Variants in HERC2 observed in about 807,000 individuals in gnomAD.
HERC2 encodes the protein E3 ubiquitin-protein ligase HERC2.
Under a neutral mutation model 537.7 loss-of-function variants are expected in HERC2, and 102 were observed. That is an observed-to-expected ratio of 0.19 (90% confidence interval 0.16 to 0.22). HERC2 has a LOEUF of 0.22. HERC2 is among the 10% of genes least tolerant of loss of function. The pLI, the probability that HERC2 is intolerant of heterozygous loss-of-function variation, is 1.00. For synonymous variants in HERC2, 2,224 were observed against 2,466.2 expected (o/e 0.90, Z 2.91); for missense variants, 4,236 against 6,198.2 (o/e 0.68, Z 10.63).
In HERC2 at chr15:28,272,961, G is replaced by T. The variant is rs2075778512; in HGVS notation, c.844C>A (p.Pro282Thr). Residue 282 changes from proline (P) to threonine (T), a missense_variant, in exon 8 of 93, where the codon CCC becomes ACC. Physicochemically the swap from Pro to Thr is conservative, Grantham distance 38. Around this residue, in one of 27 missense-constraint regions of HERC2, gnomAD observed 491 missense variants for 559.3 expected, o/e 0.88. Coordinates refer to ENST00000261609, the MANE Select transcript of HERC2 (RefSeq NM_004667.6). Reference protein sequence around the residue: ...TPATKGPGSIPLQDQHLALAI... With the variant: ...TPATKGPGSITLQDQHLALAI... ...AGGGCCAAGTGCTGGTCCTGCAGGG[G>T]GATGCTTCCTGGCCCTTTGGTGGCT... 1 of 1,612,474 alleles carries T rather than the reference G, an allele frequency of 6.2e-7. No homozygotes were observed. Among genetic ancestry groups the T allele is most frequent in the Non-Finnish European group, 8.5e-7 (1 of 1,180,030 alleles).
At chr15:28,147,160 A>T (rs1245062215) in intron 70 of HERC2, among the ~76,000 whole-genome samples, 6 of 151,464 alleles carry the variant, frequency 4.0e-5, no homozygotes, top group Non-Finnish European at 8.8e-5. Flanking sequence ...AAAATGGTTG[A>T]ATTTGGAATA....
In HERC2 at chr15:28,176,952, T is replaced by C; in HGVS notation, c.9430A>G (p.Met3144Val). 1.2e-6 allele frequency: 2 copies of C among 1,610,696 alleles called. No homozygotes were observed. The highest frequency in any genetic ancestry group is 1.3e-5 in the African/African-American group (1 of 74,942). The change falls in exon 61 of 93, where the codon ATG becomes GTG. Residue 3144 changes from methionine (M) to valine (V), a missense_variant and splice_region_variant. Met to Val is a conservative substitution (Grantham distance 21). This residue lies in a region of HERC2 where 606 missense variants were observed against 884.5 expected (regional missense o/e 0.69). Transcript: ENST00000261609. The surrounding 1 kb of genome is among the most constrained non-coding windows in gnomAD (Gnocchi z 5.0). ...GDNTTQLKPK[M>V]VKVLLGHRVI... ...GCAACAAAAATGCGTATAATCACCATTTTGGGCTTTAGCTGTGTCGTATTA... is the reference window on the plus strand; with the variant it reads ...GCAACAAAAATGCGTATAATCACCACTTTGGGCTTTAGCTGTGTCGTATTA...
chr15:28,151,769 TA>T (rs113713636), intron 70 of HERC2, among the ~76,000 whole-genome samples: 29 of 145,530 alleles, frequency 2.0e-4, no homozygotes, highest in East Asian at 4.0e-4. Context: ...ATAATAACAT[TA>T]AAAAAAAAAA....
At chr15:28,212,361 G>A (rs905341097) in intron 43 of HERC2, 84 bp downstream of exon 43, 12 of 832,288 alleles carry the variant, frequency 1.4e-5, no homozygotes, top group Middle Eastern at 3.7e-4. Context: ...TAGTACGTCC[G>A]TGAATTCACT....
At position 28,113,951 on chromosome 15, in the gene HERC2, C is replaced by T. The variant is rs1237340245; in HGVS notation, c.13914-273G>A. Reference sequence around the variant, plus strand: ...CGCCACTCTCAGTACCCACAGGACACCCCAGGAGAAGCCAGCACCAAGAGG... The same window carrying T: ...CGCCACTCTCAGTACCCACAGGACATCCCAGGAGAAGCCAGCACCAAGAGG... On this transcript the variant is annotated intron_variant, in intron 90 of 92. Coordinates refer to ENST00000261609, the MANE Select transcript of HERC2 (RefSeq NM_004667.6). The surrounding 1 kb of genome is among the most constrained non-coding windows in gnomAD (Gnocchi z 7.0). 6.6e-6 allele frequency among the ~76,000 whole-genome samples: 1 copy of T among 152,206 alleles called. No individual in the cohort carries two copies. Among genetic ancestry groups the T allele is most frequent in the Non-Finnish European group, 1.5e-5 (1 of 68,032 alleles).
chr15:28,273,584 C>T (rs1567102545), intron 7 of HERC2, among the ~76,000 whole-genome samples: 2 of 152,144 alleles, frequency 1.3e-5, no homozygotes. Flanking sequence ...ATGCTCAGGG[C>T]CTCCAGCGTT....
chr15:28,119,094 C>G (rs1207512756), intron 86 of HERC2, among the ~76,000 whole-genome samples: 2 of 151,434 alleles, frequency 1.3e-5, no homozygotes, highest in Non-Finnish European at 2.9e-5. Context: ...ACAGTGAAAC[C>G]CTGTCACCAC....
chr15:28,268,890 G>A lies in HERC2; in HGVS notation c.1447-274C>T, dbSNP rs766757632. Among the ~76,000 whole-genome samples, 196 of 152,076 alleles carry A rather than the reference G, an allele frequency of 1.3e-3. No individual in the cohort carries two copies. The highest frequency in any genetic ancestry group is 2.6e-3 in the Non-Finnish European group (177 of 68,006). ...ACAGAGACACGCAGCCGACAGGGAG[G>A]AACACCTCGCTTTAATGAAAACATG... On this transcript the variant is annotated intron_variant, in intron 11 of 92. Coordinates refer to ENST00000261609, the MANE Select transcript of HERC2 (RefSeq NM_004667.6). The surrounding 1 kb of genome is among the most constrained non-coding windows in gnomAD (Gnocchi z 4.7).
chr15:28,245,510 G>A (rs369084802), intron 23 of HERC2, among the ~76,000 whole-genome samples: 99 of 146,186 alleles, frequency 6.8e-4, no homozygotes, highest in Non-Finnish European at 1.2e-3. Context: ...TCATGACACC[G>A]CACTCCAGCC....
intron 78 of HERC2, among the ~76,000 whole-genome samples, chr15:28,136,924 T>C (rs1353676859): frequency 2.0e-5 from 3 of 152,020 alleles, no homozygotes; most frequent in Non-Finnish European, 4.4e-5. Context: ...GAGAAGGAAA[T>C]GATTTTATAA....
At chr15:28,305,413 A>G (rs1305054079) in intron 2 of HERC2, among the ~76,000 whole-genome samples, 2 of 147,286 alleles carry the variant, frequency 1.4e-5, no homozygotes, top group Non-Finnish European at 3.0e-5. Context: ...ACCTGAGAAA[A>G]ACAAGCAATG....
Position 28,113,604 on chromosome 15 carries a change from G to C in HERC2, c.13988C>G (p.Ser4663Cys). Residue 4663 changes from serine (S) to cysteine (C), a missense_variant, in exon 91 of 93, where the codon TCT becomes TGT. Ser to Cys is a moderately radical substitution (Grantham distance 112, BLOSUM62 -1). This residue lies in a region of HERC2 where 313 missense variants were observed against 462.6 expected (regional missense o/e 0.68). Coordinates refer to ENST00000261609, the MANE Select transcript of HERC2 (RefSeq NM_004667.6). The surrounding 1 kb of genome is among the most constrained non-coding windows in gnomAD (Gnocchi z 7.0). ...MARVVPVPLL[S>C]LFTGYELETM... ...CTCCAGTTCGTAGCCGGTGAACAGA[G>C]AGAGGAGGGGAACAGGCACAACGCG... 1 of 1,614,200 alleles carries C rather than the reference G, an allele frequency of 6.2e-7. No homozygotes were observed. Among genetic ancestry groups the C allele is most frequent in the Non-Finnish European group, 8.5e-7 (1 of 1,180,026 alleles).
chr15:28,136,687 C>T (rs1039457921), intron 78 of HERC2, among the ~76,000 whole-genome samples: 11 of 152,338 alleles, frequency 7.2e-5, no homozygotes, highest in Admixed American at 3.9e-4. Context: ...TGAAGCTTTA[C>T]GGGAACACGG....
Position 28,229,683 on chromosome 15 carries a change from T to A in HERC2, c.4974A>T (p.Leu1658=). Reference sequence around the variant, plus strand: ...TCTCATCAAATGTTACCTGTTTTAGTAGGCACTTTCTCATTTTTTCCACAT... The same window carrying A: ...TCTCATCAAATGTTACCTGTTTTAGAAGGCACTTTCTCATTTTTTCCACAT... ...PVDVEKMRKC[L]LKQLERAEVR... is the part of the protein sequence containing the mutation. The change falls in exon 32 of 93, where the codon CTA becomes CTT. Residue 1658 remains leucine (L), a synonymous_variant. Coordinates refer to ENST00000261609, the MANE Select transcript of HERC2 (RefSeq NM_004667.6). 2 of 1,611,972 alleles carry A rather than the reference T, an allele frequency of 1.2e-6. No individual in the cohort carries two copies. The highest frequency in any genetic ancestry group is 1.7e-6 in the Non-Finnish European group (2 of 1,179,762).
intron 34 of HERC2, among the ~76,000 whole-genome samples, chr15:28,228,773 T>A (rs1901520003): frequency 6.6e-6 from 1 of 152,258 alleles, no homozygotes; most frequent in East Asian, 1.9e-4. Context: ...TTGTTCCATC[T>A]GTCTACAGGA....
At chr15:28,199,668 G>A (rs1015746555) in intron 48 of HERC2, among the ~76,000 whole-genome samples, 1 of 152,178 alleles carries the variant, frequency 6.6e-6, no homozygotes, top group African/African-American at 2.4e-5. Context: ...AATACAGAAT[G>A]TCATCAAGGA....
intron 35 of HERC2, among the ~76,000 whole-genome samples, chr15:28,227,694 A>G (rs1901359717): frequency 6.6e-6 from 1 of 152,250 alleles, no homozygotes; most frequent in Non-Finnish European, 1.5e-5. Context: ...GTATTTGTAT[A>G]TAAATGTTCC....
At chr15:28,209,940 CTTTTTTTTTTT>C (rs1164101918) in intron 44 of HERC2, among the ~76,000 whole-genome samples, 1 of 77,344 alleles carries the variant, frequency 1.3e-5, no homozygotes, top group Non-Finnish European at 2.2e-5. Flanking sequence ...AATACATTAT[CTTTTTTTTTTT>C]TTTTTTTTTT....
intron 55 of HERC2, 73 bp downstream of exon 55, chr15:28,190,892 G>A (rs1225351280): frequency 1.0e-6 from 1 of 973,006 alleles, no homozygotes; most frequent in South Asian, 1.3e-5. Flanking sequence ...CTCAATGCTA[G>A]TATAGAAATG....
Sources: allele counts gnomAD v4.1 joint callset (sites outside exome capture counted in the v4.1 genomes callset), GRCh38; gene constraint gnomAD v4.1.1; regional missense constraint gnomAD v4.1.1; non-coding constraint Gnocchi (gnomAD v3.1); transcripts MANE v1.5; gene names NCBI Gene and HGNC (gene_info 2026-07-23, HGNC 2026-07-21).